LEMD2: variants seen among roughly 807,000 people sequenced by gnomAD.
The protein encoded by LEMD2 is LEM domain nuclear envelope protein 2.
In LEMD2, 34 loss-of-function variants were observed where a neutral mutation model predicts 58.8. That is an observed-to-expected ratio of 0.58 (90% confidence interval 0.44 to 0.77). The LOEUF (loss-of-function observed/expected upper bound fraction) is 0.77, where lower values mean the gene tolerates loss of function less well. LEMD2 is among the 30% of genes least tolerant of loss of function. The probability of loss-of-function intolerance (pLI) is 0.00; values close to 1 mark genes in which losing one functional copy is unlikely to be tolerated. For synonymous variants in LEMD2, 298 were observed against 308.9 expected (o/e 0.96, Z 0.37); for missense variants, 629 against 717.9 (o/e 0.88, Z 1.42).
intron 8 of LEMD2, among the ~76,000 whole-genome samples, chr6:33,776,365 A>G (rs1373584952): frequency 6.6e-6 from 1 of 152,200 alleles, no homozygotes; most frequent in African/African-American, 2.4e-5. Flanking sequence ...TAAAGCCTCA[A>G]GGAGTGTGTC....
chr6:33,776,751 C>T, intron 8 of LEMD2: 1 of 605,076 alleles, frequency 1.7e-6, no homozygotes, highest in Non-Finnish European at 3.0e-6. Flanking sequence ...ATTGTGCTTT[C>T]ATATGTCTTT....
Position 33,788,452 on chromosome 6 carries a change from A to C in LEMD2, c.665T>G (p.Leu222Arg). The C allele has an allele frequency of 6.3e-7, 1 of 1,576,178 alleles. No homozygotes were observed. Among genetic ancestry groups the C allele is most frequent in the Non-Finnish European group, 8.6e-7 (1 of 1,162,156 alleles). ...RLLLWASLGL[L>R]LVFLGILWVK... ...CCAAAGGATGCCCAGGAAGACGAGC[A>C]GTAGCCCTAGGCTGGCCCAGAGCAG... is the stretch of plus-strand genomic sequence containing the variant. Residue 222 changes from leucine (L) to arginine (R), a missense_variant, in exon 1 of 9, where the codon CTG becomes CGG. Leu to Arg is a moderately radical substitution (Grantham distance 102). Around this residue, in one of 2 missense-constraint regions of LEMD2, gnomAD observed 386 missense variants for 381.1 expected, o/e 1.01. Transcript: ENST00000293760.
In LEMD2 at chr6:33,778,875, G is replaced by T; in HGVS notation, c.1011-488C>A. 1 of 152,296 alleles carries T rather than the reference G, an allele frequency of 6.6e-6. No individual in the cohort carries two copies. 9.4% of individuals were successfully genotyped at this position (152,296 alleles called of 1,614,324 possible). A position where few individuals can be genotyped will look rare whatever the true frequency, so the allele number is the denominator to read the frequency against. On this transcript the variant is annotated intron_variant, in intron 5 of 8. Coordinates refer to ENST00000293760, the MANE Select transcript of LEMD2 (RefSeq NM_181336.4). This position sits in a 1 kb window ranked among gnomAD's most constrained non-coding sequence, Gnocchi z 4.7. The stretch of plus-strand genomic sequence containing the variant: ...ATGGGGAATCCGTGAGGCTCATGGG[G>T]AATGAAAACCACCAGGCTCTCCGAG...
At position 33,777,015 on chromosome 6, in the gene LEMD2, C is replaced by G. The variant is rs1767445604; in HGVS notation, c.1300G>C (p.Glu434Gln). 1 of 1,614,066 alleles carries G rather than the reference C, an allele frequency of 6.2e-7. No individual in the cohort carries two copies. Residue 434 changes from glutamate to glutamine, a missense_variant, in exon 8 of 9, where the codon GAG becomes CAG. Around this residue, in one of 2 missense-constraint regions of LEMD2, gnomAD observed 243 missense variants for 336.8 expected, o/e 0.72. Coordinates refer to ENST00000293760, the MANE Select transcript of LEMD2 (RefSeq NM_181336.4). ...AGGATGCCTACATATGGATAGCGCT[C>G]CATGTCCTGCTCCCAGTCCACGTAA... Reference protein sequence around the residue: ...DHYVDWEQDMERYPYVGILHV... With the variant: ...DHYVDWEQDMQRYPYVGILHV...
rs983063020 is a variant in LEMD2, at chr6:33,778,551, C to T, written c.1011-164G>A. The T allele has an allele frequency of 2.1e-6, 1 of 480,952 alleles. No homozygotes were observed. The highest frequency in any genetic ancestry group is 3.5e-6 in the Non-Finnish European group (1 of 283,770). The allele number at this position is 480,952 out of a possible 1,614,324, so 29.8% of individuals were successfully genotyped here. On this transcript the variant is annotated intron_variant, in intron 5 of 8. Coordinates refer to ENST00000293760, the MANE Select transcript of LEMD2 (RefSeq NM_181336.4). This position sits in a 1 kb window ranked among gnomAD's most constrained non-coding sequence, Gnocchi z 4.7. ...GGCTGCATTCTTTCCAGAAATTTCC[C>T]ACATTGGCTACTTAGAATGAATAAA...
In LEMD2 at chr6:33,781,511, A is replaced by G. The variant is rs141210880; in HGVS notation, c.854-358T>C. ...ACACAGCCTGAGAAAAAAGAAAGGC[A>G]GGGAGGCCATGGGCACCACGGGGAT... is the stretch of plus-strand genomic sequence containing the variant. On this transcript the variant is annotated intron_variant, in intron 3 of 8. Coordinates refer to ENST00000293760, the MANE Select transcript of LEMD2 (RefSeq NM_181336.4). The G allele has an allele frequency of 4.7e-3, 1,014 of 215,468 alleles. 12 individuals are homozygous for G. The highest frequency in any genetic ancestry group is 0.022 in the African/African-American group (941 of 43,164). 13.3% of individuals were successfully genotyped at this position (215,468 alleles called of 1,614,324 possible).
intron 5 of LEMD2, chr6:33,779,323 G>A (rs1330197050): frequency 4.0e-5 from 6 of 151,884 alleles, no homozygotes; most frequent in Non-Finnish European, 1.5e-5. Context: ...CCAGCTTGAG[G>A]TGGAGCTGCC....
intron 2 of LEMD2, among the ~76,000 whole-genome samples, chr6:33,786,420 AG>A (rs1469243955): frequency 2.0e-5 from 3 of 152,184 alleles, no homozygotes; most frequent in Non-Finnish European, 2.9e-5. Flanking sequence ...AGGGAGCTTG[AG>A]GGTCCTTCAA....
chr6:33,785,728 CTCA>C (rs1767662762), intron 2 of LEMD2, among the ~76,000 whole-genome samples: 2 of 152,356 alleles, frequency 1.3e-5, no homozygotes, highest in Admixed American at 6.5e-5. Context: ...GCCACTTCCT[CTCA>C]TCATCAACTA....
chr6:33,772,681 T>G lies in LEMD2; in HGVS notation c.1459A>C (p.Met487Leu). 6.2e-7 allele frequency: 1 copy of G among 1,614,096 alleles called. No homozygotes were observed. The highest frequency in any genetic ancestry group is 8.5e-7 in the Non-Finnish European group (1 of 1,180,018). The change falls in exon 9 of 9, where the codon ATG becomes CTG. Residue 487 changes from methionine (M) to leucine (L), a missense_variant. By Grantham distance (15) the Met-to-Leu change is conservative. This residue lies in a region of LEMD2 where 243 missense variants were observed against 336.8 expected (regional missense o/e 0.72). Transcript: ENST00000293760. ...GGCTTAGTCCATCTCCACACCAGCA[T>G]GTCCTCTCCTGCAACGCGGTGGGAC... Reference protein sequence around the residue: ...TESHRVAGEDMLVWRWTKPSS... With the variant: ...TESHRVAGEDLLVWRWTKPSS...
At chr6:33,787,230 G>A (rs1767698882) in intron 1 of LEMD2, 1 of 151,058 alleles carries the variant, frequency 6.6e-6, no homozygotes, top group Non-Finnish European at 1.4e-5. Context: ...TTGTCTTAAA[G>A]CATCTCAGCA....
chr6:33,780,666 A>G (rs1582257938), intron 4 of LEMD2, among the ~76,000 whole-genome samples: 1 of 152,210 alleles, frequency 6.6e-6, no homozygotes, highest in Non-Finnish European at 1.5e-5. Context: ...TACCAGCTCC[A>G]TAGTTCTATA....
intron 8 of LEMD2, 93 bp from the exon 9 acceptor site, chr6:33,772,871 T>G: frequency 8.4e-7 from 1 of 1,184,236 alleles, no homozygotes; most frequent in Non-Finnish European, 1.2e-6. Context: ...TTCCAGGCTC[T>G]GGCATGGAAT....
intron 2 of LEMD2, 50 bp from the exon 3 acceptor site, chr6:33,784,477 G>GGGGGGGGGGGGGGGGGGGGGCCCCCCC: frequency 2.3e-6 from 1 of 430,808 alleles, no homozygotes. Context: ...GGTGGGAGGG[G>GGGGGGGGGGGGGGGGGGGGGCCCCCCC]TCCGTCTGTC....
chr6:33,778,417 T>G lies in LEMD2; in HGVS notation c.1011-30A>C. On this transcript the variant is annotated intron_variant, in intron 5 of 8. Transcript: ENST00000293760. The surrounding 1 kb of genome is among the most constrained non-coding windows in gnomAD (Gnocchi z 4.7). ...AACAGGACACAGGGCTCTGAACATG[T>G]TGGAAAGCTCCAAGGAGAGGCAGTG... 6.9e-7 allele frequency: 1 copy of G among 1,455,714 alleles called. No individual in the cohort carries two copies. The highest frequency in any genetic ancestry group is 9.1e-7 in the Non-Finnish European group (1 of 1,095,112). 90.2% of individuals were successfully genotyped at this position (1,455,714 alleles called of 1,614,324 possible). A position where few individuals can be genotyped will look rare whatever the true frequency, so the allele number is the denominator to read the frequency against.
chr6:33,784,905 C>CA (rs1321748687), intron 2 of LEMD2, among the ~76,000 whole-genome samples: 2 of 152,176 alleles, frequency 1.3e-5, no homozygotes, highest in Non-Finnish European at 2.9e-5. Flanking sequence ...GGTGGAATCT[C>CA]AGAGCCCTCA....
At chr6:33,780,495 A>G (rs1024400501) in intron 4 of LEMD2, among the ~76,000 whole-genome samples, 23 of 152,200 alleles carry the variant, frequency 1.5e-4, no homozygotes, top group African/African-American at 5.1e-4. Context: ...GGTAAAGCGA[A>G]TAACAGCGTT....
rs765911996 is a variant in LEMD2, at chr6:33,777,232, A to G, written c.1164T>C (p.Ala388=). 3.7e-6 allele frequency: 6 copies of G among 1,613,050 alleles called. No homozygotes were observed. Among genetic ancestry groups the G allele is most frequent in the Non-Finnish European group, 4.2e-6 (5 of 1,179,138 alleles). ...GGAGAATTAGGAGCCCCCACAAAAA[A>G]GCCAAGCCTGTGAGGGAACAAAACA... ...TNVLIFFWCL[A]FLWGLLILLK... is the part of the protein sequence containing the mutation. The change falls in exon 7 of 9, where the codon GCT becomes GCC. Residue 388 remains alanine (A), a synonymous_variant. Coordinates refer to ENST00000293760, the MANE Select transcript of LEMD2 (RefSeq NM_181336.4).
At position 33,778,663 on chromosome 6, in the gene LEMD2, G is replaced by A; in HGVS notation, c.1011-276C>T. 3.1e-6 allele frequency: 1 copy of A among 318,576 alleles called. No homozygotes were observed. The highest frequency in any genetic ancestry group is 5.7e-6 in the Non-Finnish European group (1 of 175,704). 19.7% of individuals were successfully genotyped at this position (318,576 alleles called of 1,614,324 possible). On this transcript the variant is annotated intron_variant, in intron 5 of 8. Transcript: ENST00000293760. The surrounding 1 kb of genome is among the most constrained non-coding windows in gnomAD (Gnocchi z 4.7). ...TTTGACAGCCTCTCTCAGCATGCAG[G>A]AGATTAAACTGTAAATTGGATTCCC...
Sources: gnomAD v4.1 joint callset for allele counts (sites outside exome capture counted in the v4.1 genomes callset) on GRCh38, gnomAD v4.1.1 for gene constraint, gnomAD v4.1.1 regional missense constraint, Gnocchi (gnomAD v3.1) non-coding constraint, MANE v1.5 for transcripts, NCBI Gene and HGNC (gene_info 2026-07-23, HGNC 2026-07-21) for gene names.